The following COL25A1 variants were observed in gnomAD, a reference collection of about 807,000 sequenced individuals.
COL25A1 encodes the protein collagen type XXV alpha 1 chain.
COL25A1 carries 103 observed loss-of-function variants against 128.4 expected under a neutral mutation model. That is an observed-to-expected ratio of 0.80 (90% confidence interval 0.68 to 0.94). The LOEUF is 0.94. Among genes scored for constraint, COL25A1 ranks in the 40% least tolerant of loss-of-function variants. COL25A1 has a pLI of 0.00. For missense variants in COL25A1, 745 were observed against 840.0 expected (o/e 0.89, Z 1.40); for synonymous variants, 279 against 277.2 (o/e 1.01, Z -0.06).
chr4:108,896,047 G>A (rs1370564635), intron 16 of COL25A1, among the ~76,000 whole-genome samples: 3 of 140,610 alleles, frequency 2.1e-5, no homozygotes, highest in Non-Finnish European at 4.5e-5. Context: ...CCAGGTTCAC[G>A]CCATTCTCCT....
chr4:108,826,790 T>A (rs1267188123), intron 33 of COL25A1, among the ~76,000 whole-genome samples: 1 of 152,158 alleles, frequency 6.6e-6, no homozygotes, highest in Non-Finnish European at 1.5e-5. Context: ...GATCCAGTGA[T>A]TTTCCAAGGA....
At chr4:109,168,618 T>C (rs949648294) in intron 3 of COL25A1, among the ~76,000 whole-genome samples, 2 of 152,144 alleles carry the variant, frequency 1.3e-5, no homozygotes, top group Non-Finnish European at 2.9e-5. Flanking sequence ...CCAGTTCCCA[T>C]TGACATATAT....
intron 3 of COL25A1, among the ~76,000 whole-genome samples, chr4:109,268,624 T>C (rs1781955321): frequency 6.6e-6 from 1 of 152,336 alleles, no homozygotes; most frequent in East Asian, 1.9e-4. Context: ...AATTTAAAAC[T>C]ATCATTTATG....
chr4:108,852,297 C>A lies in COL25A1; in HGVS notation c.1345-17G>T. ...AGGGGGACCCTAAATCAAGAAAAAGCACAGTTTTTAAAAGTAGTAATTATA... is the reference window on the plus strand; with the variant it reads ...AGGGGGACCCTAAATCAAGAAAAAGAACAGTTTTTAAAAGTAGTAATTATA... On this transcript the variant is annotated splice_polypyrimidine_tract_variant and intron_variant, in intron 25 of 37. Transcript: ENST00000399132. 1 of 1,587,114 alleles carries A rather than the reference C, an allele frequency of 6.3e-7. No homozygotes were observed. The highest frequency in any genetic ancestry group is 1.1e-5 in the South Asian group (1 of 87,144).
intron 6 of COL25A1, among the ~76,000 whole-genome samples, chr4:108,978,956 A>T (rs1752696609): frequency 6.6e-6 from 1 of 152,230 alleles, no homozygotes; most frequent in South Asian, 2.1e-4. Flanking sequence ...GATCTTTTGA[A>T]TTAGTTGTAT....
Position 108,825,112 on chromosome 4 carries a change from A to G in COL25A1, c.1791+84T>C. 4 of 1,144,204 alleles carry G rather than the reference A, an allele frequency of 3.5e-6. No homozygotes were observed. In the South Asian group the frequency reaches 3.8e-5, roughly 11 times the overall value. The allele number at this position is 1,144,204 out of a possible 1,614,324, so 70.9% of individuals were successfully genotyped here. A position where few individuals can be genotyped will look rare whatever the true frequency, so the allele number is the denominator to read the frequency against. On this transcript the variant is annotated intron_variant, in intron 34 of 37. Transcript: ENST00000399132. ...ATGCATACCTATATGCACAGAAAAA[A>G]AAGAAGTATTCTTTTTGTTATCGAT...
intron 3 of COL25A1, 58 bp from the exon 4 acceptor site, chr4:109,050,237 A>G: frequency 7.9e-7 from 1 of 1,267,180 alleles, no homozygotes; most frequent in Non-Finnish European, 1.1e-6. Context: ...TGGTTCCAAA[A>G]TAGCTAGTAA....
intron 13 of COL25A1, among the ~76,000 whole-genome samples, chr4:108,905,849 T>TGGG (rs1553964863): frequency 1.1e-4 from 11 of 97,584 alleles, no homozygotes; most frequent in African/African-American, 3.7e-4. Flanking sequence ...GAGCAGTATG[T>TGGG]CGGGGGGGGG....
At chr4:109,186,714 G>T (rs978762011) in intron 3 of COL25A1, among the ~76,000 whole-genome samples, 1 of 152,302 alleles carries the variant, frequency 6.6e-6, no homozygotes, top group Non-Finnish European at 1.5e-5. Context: ...CCCACCTGGG[G>T]ATAATTCTGA....
At chr4:108,874,856 T>G (rs890840278) in intron 19 of COL25A1, among the ~76,000 whole-genome samples, 2 of 152,242 alleles carry the variant, frequency 1.3e-5, no homozygotes, top group African/African-American at 2.4e-5. Context: ...GCACCAATTA[T>G]TTCAGAGTTA....
chr4:108,845,330 C>T (rs72897007), intron 28 of COL25A1, 79 bp from the exon 29 acceptor site: 9 of 1,083,950 alleles, frequency 8.3e-6, no homozygotes, highest in Non-Finnish European at 1.3e-5. Context: ...CTCCCCAAAC[C>T]CATTGTTCTC....
At chr4:109,153,401 T>C (rs559169382) in intron 3 of COL25A1, among the ~76,000 whole-genome samples, 35 of 143,432 alleles carry the variant, frequency 2.4e-4, no homozygotes, top group African/African-American at 8.9e-4. Context: ...AAAAAAAAAG[T>C]ACTCTGTATG....
intron 6 of COL25A1, among the ~76,000 whole-genome samples, chr4:108,996,977 G>A (rs1754842827): frequency 6.6e-6 from 1 of 152,216 alleles, no homozygotes; most frequent in African/African-American, 2.4e-5. Flanking sequence ...ATTTAAAGCA[G>A]TGTGTAGAGG....
At chr4:109,012,350 C>T (rs1277152235) in intron 5 of COL25A1, among the ~76,000 whole-genome samples, 1 of 152,238 alleles carries the variant, frequency 6.6e-6, no homozygotes, top group Admixed American at 6.5e-5. Context: ...AGCACTTCCT[C>T]GGCCTTGGCG....
At chr4:109,090,919 A>G (rs545703152) in intron 3 of COL25A1, among the ~76,000 whole-genome samples, 1 of 152,270 alleles carries the variant, frequency 6.6e-6, no homozygotes, top group African/African-American at 2.4e-5. Flanking sequence ...AACATTTTCA[A>G]ATGAAATGTT....
chr4:108,858,574 C>A (rs1489528875), intron 24 of COL25A1, among the ~76,000 whole-genome samples: 1 of 152,080 alleles, frequency 6.6e-6, no homozygotes, highest in Non-Finnish European at 1.5e-5. Context: ...GGAAAGGTAA[C>A]CAGTATAATT....
At chr4:108,983,470 T>C (rs1336460043) in intron 6 of COL25A1, among the ~76,000 whole-genome samples, 2 of 152,216 alleles carry the variant, frequency 1.3e-5, no homozygotes, top group Admixed American at 6.5e-5. Context: ...CAACATAATT[T>C]TACCCGGGCT....
At chr4:109,249,764 A>G (rs1236730061) in intron 3 of COL25A1, among the ~76,000 whole-genome samples, 1 of 152,218 alleles carries the variant, frequency 6.6e-6, no homozygotes, top group Non-Finnish European at 1.5e-5. Context: ...CAGGCCAAAT[A>G]ACATTCCTAC....
At chr4:109,257,466 A>C (rs1186106586) in intron 3 of COL25A1, among the ~76,000 whole-genome samples, 1 of 152,240 alleles carries the variant, frequency 6.6e-6, no homozygotes, top group Admixed American at 6.5e-5. Flanking sequence ...AGGTAGGCAG[A>C]GTTCCCATCA....
Sources: allele counts gnomAD v4.1 joint callset (sites outside exome capture counted in the v4.1 genomes callset), GRCh38; gene constraint gnomAD v4.1.1; transcripts MANE v1.5; gene names NCBI Gene and HGNC (gene_info 2026-07-23, HGNC 2026-07-21).